RASGEF1C: variants seen among roughly 807,000 people sequenced by gnomAD.
RASGEF1C encodes RasGEF domain family member 1C.
RASGEF1C carries 27 observed loss-of-function variants against 58.1 expected under a neutral mutation model. The observed-to-expected ratio is 0.46, with a 90% CI of 0.34 to 0.64. The LOEUF is 0.64. Among genes scored for constraint, RASGEF1C ranks in the 30% least tolerant of loss-of-function variants. RASGEF1C has a pLI of 0.01. For synonymous variants in RASGEF1C, 243 were observed against 246.3 expected, an observed-to-expected ratio of 0.99 and a Z score of 0.13; for missense variants, 502 against 605.1, an observed-to-expected ratio of 0.83 and a Z score of 1.79.
chr5:180,151,234 A>G (rs1429778029), intron 1 of RASGEF1C, among the ~76,000 whole-genome samples: 1 of 152,224 alleles, frequency 6.6e-6, no homozygotes, highest in East Asian at 1.9e-4. Flanking sequence ...TTCATATGGA[A>G]CCAAAAAAGA....
intron 1 of RASGEF1C, among the ~76,000 whole-genome samples, chr5:180,147,325 T>C (rs950892745): frequency 6.6e-6 from 1 of 152,066 alleles, no homozygotes; most frequent in Admixed American, 6.5e-5. Context: ...ATCTTTATAA[T>C]TTCCCTCCTT....
chr5:180,146,587 T>C (rs371730817), intron 1 of RASGEF1C, among the ~76,000 whole-genome samples: 9 of 152,236 alleles, frequency 5.9e-5, no homozygotes, highest in African/African-American at 1.9e-4. Context: ...CATGTGTTTT[T>C]TCCTTCATCA....
chr5:180,144,439 C>T (rs1371399538), intron 1 of RASGEF1C, among the ~76,000 whole-genome samples: 2 of 152,098 alleles, frequency 1.3e-5, no homozygotes, highest in African/African-American at 4.8e-5. Context: ...AGTTTGAGAC[C>T]AGCCTGGGCA....
chr5:180,178,490 G>C (rs943676883), intron 1 of RASGEF1C, among the ~76,000 whole-genome samples: 1 of 149,584 alleles, frequency 6.7e-6, no homozygotes, highest in African/African-American at 2.5e-5. Flanking sequence ...ATGTTGGCCA[G>C]GCTGGTCTCG....
intron 6 of RASGEF1C, among the ~76,000 whole-genome samples, chr5:180,121,646 C>A (rs1235499468): frequency 4.9e-5 from 4 of 81,594 alleles, no homozygotes; most frequent in Non-Finnish European, 1.0e-4. Flanking sequence ...TTCACACACA[C>A]ACACACACAC....
intron 12 of RASGEF1C, among the ~76,000 whole-genome samples, chr5:180,108,997 A>C (rs1223080541): frequency 2.0e-5 from 3 of 152,240 alleles, no homozygotes; most frequent in African/African-American, 7.2e-5. Flanking sequence ...GGCACACAGC[A>C]GTCTCTGAAG....
At chr5:180,173,912 A>AAAC (rs10626444) in intron 1 of RASGEF1C, among the ~76,000 whole-genome samples, 143,320 of 145,964 alleles carry the variant, frequency 0.98, 70,351 homozygotes, top group East Asian at 1. Flanking sequence ...GACTGTCTCA[A>AAAC]AACAACCACC....
intron 12 of RASGEF1C, among the ~76,000 whole-genome samples, chr5:180,107,390 T>G (rs1315910166): frequency 6.6e-6 from 1 of 152,138 alleles, no homozygotes; most frequent in Non-Finnish European, 1.5e-5. Context: ...GCTTTTAGAA[T>G]TCTATTTTGA....
intron 10 of RASGEF1C, chr5:180,115,159 C>G (rs1004268929): frequency 6.3e-6 from 2 of 316,072 alleles, no homozygotes; most frequent in Admixed American, 3.9e-5. Context: ...GGATTACAGG[C>G]ACCTGCTGCC....
rs1766625796 is a variant in RASGEF1C at position 180,143,999 on chromosome 5, C to T, written c.-6-5941G>A. Among the ~76,000 whole-genome samples the T allele has an allele frequency of 6.6e-6, 1 of 152,156 alleles. No homozygotes were observed. The highest frequency in any genetic ancestry group is 6.5e-5 in the Admixed American group (1 of 15,286). Reference sequence around the variant, plus strand: ...ACCACGCGCGTGTCTCAGGAAGACACCTGTGAGCTCTGAGAAGAGGGAGCA... The same window carrying T: ...ACCACGCGCGTGTCTCAGGAAGACATCTGTGAGCTCTGAGAAGAGGGAGCA... On this transcript the variant is annotated intron_variant, in intron 1 of 13. Transcript: ENST00000361132. The surrounding 1 kb of genome is among the most constrained non-coding windows in gnomAD (Gnocchi z 4.3).
At chr5:180,113,049 C>T (rs556887555) in intron 11 of RASGEF1C, among the ~76,000 whole-genome samples, 2 of 110,482 alleles carry the variant, frequency 1.8e-5, no homozygotes, top group African/African-American at 3.0e-5. Context: ...CGGGGATGGA[C>T]GGAGGGATCC....
intron 10 of RASGEF1C, among the ~76,000 whole-genome samples, chr5:180,117,725 G>A (rs963770652): frequency 7.2e-5 from 11 of 152,184 alleles, no homozygotes; most frequent in Admixed American, 2.6e-4. Flanking sequence ...TGGGCGCAGT[G>A]GCTCACGCAT....
chr5:180,154,844 G>A (rs1245410910), intron 1 of RASGEF1C, among the ~76,000 whole-genome samples: 2 of 152,172 alleles, frequency 1.3e-5, no homozygotes, highest in Non-Finnish European at 2.9e-5. Flanking sequence ...GCCTCCCAAA[G>A]GGCTGGGATT....
intron 1 of RASGEF1C, among the ~76,000 whole-genome samples, chr5:180,152,320 C>G (rs574699143): frequency 6.6e-6 from 1 of 152,188 alleles, no homozygotes; most frequent in Admixed American, 6.5e-5. Context: ...ACCCAAATGT[C>G]CAACAATGAT....
In RASGEF1C at chr5:180,114,480, G is replaced by A. The variant is rs1766031191; in HGVS notation, c.1145C>T (p.Ala382Val). 1 of 1,613,138 alleles carries A rather than the reference G, an allele frequency of 6.2e-7. No homozygotes were observed. Among genetic ancestry groups the A allele is most frequent in the Non-Finnish European group, 8.5e-7 (1 of 1,179,356 alleles). The change falls in exon 11 of 14, where the codon GCC becomes GTC. Residue 382 changes from alanine to valine, a missense_variant. Physicochemically the swap from Ala to Val is moderately conservative, Grantham distance 64 (BLOSUM62 0). Transcript: ENST00000361132. Reference sequence around the variant, plus strand: ...GACGTGTCCATTGGGAAGGCGGTTGGCGCAGCCCTCATTCAGGAAGTAGAT... The same window carrying A: ...GACGTGTCCATTGGGAAGGCGGTTGACGCAGCCCTCATTCAGGAAGTAGAT... ...KDIYFLNEGC[A>V]NRLPNGHVNF...
intron 1 of RASGEF1C, among the ~76,000 whole-genome samples, chr5:180,193,445 A>G (rs1166938600): frequency 6.6e-6 from 1 of 152,170 alleles, no homozygotes; most frequent in African/African-American, 2.4e-5. Flanking sequence ...GTATTTTGAC[A>G]GGACAGAGCT....
chr5:180,113,212 G>A (rs797006898), intron 11 of RASGEF1C, among the ~76,000 whole-genome samples: 1,074 of 63,212 alleles, frequency 0.017, 82 homozygotes, highest in Non-Finnish European at 0.024. Flanking sequence ...AGAGGGACCG[G>A]GGATGGACGG....
At chr5:180,174,065 T>A (rs1034645099) in intron 1 of RASGEF1C, among the ~76,000 whole-genome samples, 1 of 151,944 alleles carries the variant, frequency 6.6e-6, no homozygotes, top group East Asian at 1.9e-4. Flanking sequence ...CGGGGGCTCC[T>A]TCCGCCTGGA....
chr5:180,115,285 C>CT (rs745892277), intron 10 of RASGEF1C: 4,667 of 392,906 alleles, frequency 0.012, 197 homozygotes, highest in African/African-American at 0.1. Context: ...AGGTGGCCTC[C>CT]TTTTTAAAAA....
Sources: allele counts gnomAD v4.1 joint callset (sites outside exome capture counted in the v4.1 genomes callset), GRCh38; gene constraint gnomAD v4.1.1; non-coding constraint Gnocchi (gnomAD v3.1); transcripts MANE v1.5; gene names NCBI Gene and HGNC (gene_info 2026-07-23, HGNC 2026-07-21).